ZMYM4: variants seen among roughly 807,000 people sequenced by gnomAD.
ZMYM4 encodes the protein zinc finger MYM-type protein 4.
ZMYM4 carries 31 observed loss-of-function variants against 183.2 expected under a neutral mutation model. That is an observed-to-expected ratio of 0.17 (90% CI 0.13 to 0.23). The LOEUF (loss-of-function observed/expected upper bound fraction) is 0.23. Ranked by LOEUF, ZMYM4 falls within the 10% of genes least tolerant of loss-of-function variation. The pLI is 1.00. For missense variants in ZMYM4, 1,273 were observed against 1,840.3 expected (o/e 0.69, Z 5.64); for synonymous variants, 592 against 631.2 (o/e 0.94, Z 0.93).
Position 35,325,869 on chromosome 1 carries a change from A to G in ZMYM4, c.85+464A>G, listed in dbSNP as rs1038880331. ...CCATTCTCCAAAGATAACCAGTTTTAAAAGTTTAACATATATATCTTTCCA... is the reference window on the plus strand; with the variant it reads ...CCATTCTCCAAAGATAACCAGTTTTGAAAGTTTAACATATATATCTTTCCA... On this transcript the variant is annotated intron_variant, in intron 2 of 29. Transcript: ENST00000314607. Among the ~76,000 whole-genome samples, 8 of 152,314 alleles carry G rather than the reference A, an allele frequency of 5.3e-5. No homozygotes were observed. In the South Asian group the frequency reaches 1.7e-3, roughly 32 times the overall value.
rs535997278 is a variant in ZMYM4 at position 35,339,315 on chromosome 1, T to A, written c.85+13910T>A. Among the ~76,000 whole-genome samples the A allele has an allele frequency of 8.5e-5, 13 of 152,208 alleles. 2 individuals carry two copies. The highest frequency in any genetic ancestry group is 2.6e-4 in the African/African-American group (11 of 41,534). On this transcript the variant is annotated intron_variant, in intron 2 of 29. Transcript: ENST00000314607. ...AGTGGCGCGATCTTTGCTCACTGCTTCCTCCGCCTCCTGGGTTCAAGCAGT... is the reference window on the plus strand; with the variant it reads ...AGTGGCGCGATCTTTGCTCACTGCTACCTCCGCCTCCTGGGTTCAAGCAGT...
intron 26 of ZMYM4, 144 bp downstream of exon 26, chr1:35,408,303 C>T: frequency 1.0e-6 from 1 of 1,000,202 alleles, no homozygotes; most frequent in Non-Finnish European, 1.4e-6. Context: ...AAATTGGAAA[C>T]CGCTCAAGTG....
At chr1:35,318,502 G>C (rs1230435502) in intron 1 of ZMYM4, among the ~76,000 whole-genome samples, 3 of 152,106 alleles carry the variant, frequency 2.0e-5, no homozygotes, top group Admixed American at 6.5e-5. Flanking sequence ...CTGTCACCCA[G>C]GCTGGAGTAC....
chr1:35,392,022 C>G (rs1432075273), intron 15 of ZMYM4, among the ~76,000 whole-genome samples, 190 bp from the exon 16 acceptor site: 2 of 151,502 alleles, frequency 1.3e-5, no homozygotes, highest in Non-Finnish European at 1.5e-5. Context: ...GCCTGGGCAG[C>G]AGAGTGAGAC....
intron 1 of ZMYM4, among the ~76,000 whole-genome samples, chr1:35,307,544 T>TA (rs1295823556): frequency 1.3e-5 from 2 of 148,438 alleles, no homozygotes; most frequent in South Asian, 2.1e-4. Context: ...TTATTATTAT[T>TA]TTTTTTTTGA....
Position 35,384,845 on chromosome 1 carries a change from T to C in ZMYM4, c.1570-597T>C, listed in dbSNP as rs796476054. 4.9e-5 allele frequency among the ~76,000 whole-genome samples: 7 copies of C among 144,300 alleles called. 1 individual carries two copies. Among genetic ancestry groups the C allele is most frequent in the African/African-American group, 5.4e-5 (2 of 36,860 alleles). 94.7% of individuals were successfully genotyped at this position (144,300 alleles called of 152,430 possible). Reference sequence around the variant, plus strand: ...CATTATTATTTTTTTCTTTTTCTTTTTTTTTTTTTTTTTTGAGGTGGAATC... The same window carrying C: ...CATTATTATTTTTTTCTTTTTCTTTCTTTTTTTTTTTTTTGAGGTGGAATC... On this transcript the variant is annotated intron_variant, in intron 9 of 29. Coordinates refer to ENST00000314607, the MANE Select transcript of ZMYM4 (RefSeq NM_005095.3).
chr1:35,287,808 G>T (rs962326357), intron 1 of ZMYM4, among the ~76,000 whole-genome samples: 1 of 152,096 alleles, frequency 6.6e-6, no homozygotes, highest in Non-Finnish European at 1.5e-5. Flanking sequence ...GTTTCACCAT[G>T]TTGGTCAGGC....
chr1:35,291,975 C>G (rs1388625863), intron 1 of ZMYM4, among the ~76,000 whole-genome samples: 2 of 152,026 alleles, frequency 1.3e-5, no homozygotes, highest in South Asian at 4.1e-4. Flanking sequence ...GCACCACATT[C>G]CCGCTTTGAT....
intron 1 of ZMYM4, among the ~76,000 whole-genome samples, chr1:35,311,228 TG>T (rs1239662542): frequency 1.3e-5 from 2 of 151,974 alleles, no homozygotes; most frequent in Non-Finnish European, 2.9e-5. Flanking sequence ...GAAACCAGCC[TG>T]GACAACATGG....
chr1:35,330,832 G>C (rs1642709042), intron 2 of ZMYM4, among the ~76,000 whole-genome samples: 1 of 152,118 alleles, frequency 6.6e-6, no homozygotes, highest in African/African-American at 2.4e-5. Context: ...TTCATTACCT[G>C]TTTCTGTACC....
At chr1:35,271,285 T>A (rs1179382258) in intron 1 of ZMYM4, among the ~76,000 whole-genome samples, 5 of 152,112 alleles carry the variant, frequency 3.3e-5, no homozygotes, top group Non-Finnish European at 7.3e-5. Context: ...AACTAGATTT[T>A]AAATATATTC....
chr1:35,287,424 C>T (rs1640557402), intron 1 of ZMYM4, among the ~76,000 whole-genome samples: 1 of 151,730 alleles, frequency 6.6e-6, no homozygotes. Flanking sequence ...TACTTCTTCG[C>T]TTCTGTTTTT....
In ZMYM4 at chr1:35,351,136, G is replaced by T. The variant is rs192156097; in HGVS notation, c.86-7789G>T. ...GTGGAAGGCAATCTTGGTCAGCCAC[G>T]TGCCTTTACCTGCTATTTGGATGCA... is the stretch of plus-strand genomic sequence containing the variant. On this transcript the variant is annotated intron_variant, in intron 2 of 29. Coordinates refer to ENST00000314607, the MANE Select transcript of ZMYM4 (RefSeq NM_005095.3). 1,971 of 1,051,872 alleles carry T rather than the reference G, an allele frequency of 1.9e-3. 4 individuals carry two copies. Among genetic ancestry groups the T allele is most frequent in the Non-Finnish European group, 2.5e-3 (1,689 of 681,750 alleles). The allele number at this position is 1,051,872 out of a possible 1,614,324, so 65.2% of individuals were successfully genotyped here.
At chr1:35,300,126 A>G (rs533217554) in intron 1 of ZMYM4, among the ~76,000 whole-genome samples, 3 of 152,134 alleles carry the variant, frequency 2.0e-5, no homozygotes, top group Non-Finnish European at 4.4e-5. Flanking sequence ...CATCTGCCAC[A>G]TAGAAAAAGA....
At chr1:35,335,532 C>G (rs897988153) in intron 2 of ZMYM4, among the ~76,000 whole-genome samples, 7 of 152,270 alleles carry the variant, frequency 4.6e-5, no homozygotes, top group Admixed American at 3.9e-4. Flanking sequence ...AGCCACCATG[C>G]CTGGCCCTCA....
At chr1:35,287,774 T>A (rs539271344) in intron 1 of ZMYM4, among the ~76,000 whole-genome samples, 29 of 152,140 alleles carry the variant, frequency 1.9e-4, no homozygotes, top group Non-Finnish European at 2.9e-5. Flanking sequence ...CCTGGCTAAT[T>A]TTTGTATTTT....
At chr1:35,370,827 T>C in intron 7 of ZMYM4, 200 bp downstream of exon 7, 1 of 582,590 alleles carries the variant, frequency 1.7e-6, no homozygotes, top group Non-Finnish European at 2.6e-6. Context: ...TCAGCTTGTT[T>C]TTTAGCTTTC....
chr1:35,371,567 TAGAAAC>T (rs1250229125), intron 7 of ZMYM4, among the ~76,000 whole-genome samples: 1 of 152,200 alleles, frequency 6.6e-6, no homozygotes, highest in Non-Finnish European at 1.5e-5. Flanking sequence ...TTATGATTGT[TAGAAAC>T]AGTTTAAGTC....
chr1:35,366,782 G>A (rs1024362331), intron 5 of ZMYM4, among the ~76,000 whole-genome samples: 14 of 152,124 alleles, frequency 9.2e-5, no homozygotes, highest in Non-Finnish European at 1.3e-4. Flanking sequence ...GAGGCCAAGC[G>A]GGGGGCGAAT....
Sources: allele counts gnomAD v4.1 joint callset (sites outside exome capture counted in the v4.1 genomes callset), GRCh38; gene constraint gnomAD v4.1.1; transcripts MANE v1.5; gene names NCBI Gene and HGNC (gene_info 2026-07-23, HGNC 2026-07-21).